GEMIN5: variants seen among roughly 807,000 people sequenced by gnomAD.
The protein encoded by GEMIN5 is gem nuclear organelle associated protein 5.
A neutral mutation model predicts 176.9 loss-of-function variants in GEMIN5; 124 were observed. That is an observed-to-expected ratio of 0.70 (90% CI 0.61 to 0.81). The LOEUF (loss-of-function observed/expected upper bound fraction) is 0.81. Among genes scored for constraint, GEMIN5 ranks in the 40% least tolerant of loss-of-function variants. The probability of loss-of-function intolerance (pLI) is 0.00; values close to 1 mark genes in which losing one functional copy is unlikely to be tolerated. For synonymous variants in GEMIN5, 673 were observed against 665.2 expected (o/e 1.01, Z -0.18); for missense variants, 1,843 against 1,814.6 (o/e 1.02, Z -0.28).
chr5:154,926,267 A>G (rs1261887449), intron 7 of GEMIN5, among the ~76,000 whole-genome samples, 193 bp from the exon 8 acceptor site: 1 of 152,206 alleles, frequency 6.6e-6, no homozygotes, highest in East Asian at 1.9e-4. Flanking sequence ...ATCTTAAAAT[A>G]TATTTATTCC....
In GEMIN5 at chr5:154,904,092, A is replaced by T. The variant is rs138773390; in HGVS notation, c.2632+415T>A. Among the ~76,000 whole-genome samples the T allele has an allele frequency of 6.9e-3, 1,042 of 151,988 alleles. 15 individuals are homozygous for T. The highest frequency in any genetic ancestry group is 0.024 in the African/African-American group (987 of 41,490). Reference sequence around the variant, plus strand: ...CTTACAAAGCAAAAGCTTCCATCAAATTTTTTTCTAAAAAAATGCCATATT... The same window carrying T: ...CTTACAAAGCAAAAGCTTCCATCAATTTTTTTTCTAAAAAAATGCCATATT... On this transcript the variant is annotated intron_variant, in intron 18 of 27. Coordinates refer to ENST00000285873, the MANE Select transcript of GEMIN5 (RefSeq NM_015465.5).
In GEMIN5 at chr5:154,905,399, T is replaced by G. The variant is rs763684598; in HGVS notation, c.2473A>C (p.Ile825Leu). 1.2e-6 allele frequency: 2 copies of G among 1,607,264 alleles called. No homozygotes were observed. Among genetic ancestry groups the G allele is most frequent in the Non-Finnish European group, 1.7e-6 (2 of 1,175,628 alleles). Residue 825 changes from isoleucine (I) to leucine (L), a missense_variant, in exon 17 of 28, where the codon ATT (isoleucine) becomes CTT (leucine). Ile to Leu is a conservative substitution (Grantham distance 5). Transcript: ENST00000285873. Reference sequence around the variant, plus strand: ...TTTGGTGGCTCCTTTTTCAGTAAAATGACTTTGTTATTAATGGTGACTTTT... The same window carrying G: ...TTTGGTGGCTCCTTTTTCAGTAAAAGGACTTTGTTATTAATGGTGACTTTT... ...KSKVTINNKVILLKKEPPKEK... is the reference protein window; with the variant it reads ...KSKVTINNKVLLLKKEPPKEK...
At chr5:154,907,523 A>G in intron 16 of GEMIN5, 68 bp downstream of exon 16, 1 of 1,102,742 alleles carries the variant, frequency 9.1e-7, no homozygotes, top group Non-Finnish European at 1.4e-6. Flanking sequence ...CAAACTGAGT[A>G]AGGACCTAGC....
intron 22 of GEMIN5, 103 bp downstream of exon 22, chr5:154,899,088 C>A: frequency 8.9e-7 from 1 of 1,121,954 alleles, no homozygotes; most frequent in Non-Finnish European, 1.3e-6. Flanking sequence ...TAATTCCTTG[C>A]TGCTTTACCT....
At chr5:154,925,249 A>G (rs1764005747) in intron 8 of GEMIN5, among the ~76,000 whole-genome samples, 1 of 152,256 alleles carries the variant, frequency 6.6e-6, no homozygotes, top group African/African-American at 2.4e-5. Context: ...ATTTGAAAAG[A>G]TAGATCATAA....
chr5:154,895,809 A>C (rs1489155386), intron 24 of GEMIN5, among the ~76,000 whole-genome samples: 2 of 152,178 alleles, frequency 1.3e-5, no homozygotes, highest in Non-Finnish European at 2.9e-5. Flanking sequence ...AATCACTTGA[A>C]TCTGGGAGGT....
chr5:154,932,059 G>A (rs762025723), intron 4 of GEMIN5, 40 bp downstream of exon 4: 2 of 1,442,380 alleles, frequency 1.4e-6, no homozygotes, highest in East Asian at 4.6e-5. Context: ...CTGTTCTTCA[G>A]GTCTCAAGTG....
At position 154,898,660 on chromosome 5, in the gene GEMIN5, G is replaced by C; in HGVS notation, c.3135-10C>G. The C allele has an allele frequency of 6.3e-7, 1 of 1,583,592 alleles. No individual in the cohort carries two copies. The highest frequency in any genetic ancestry group is 8.7e-7 in the Non-Finnish European group (1 of 1,152,534). On this transcript the variant is annotated splice_polypyrimidine_tract_variant and intron_variant, in intron 22 of 27. Transcript: ENST00000285873. ...AGTGGCCCCTAAATAGCTATAATAT[G>C]AATAAAAATGTGAAGAAAATGTCAC...
rs201137545 is a variant in GEMIN5 at position 154,917,895 on chromosome 5, T to A, written c.1673+36A>T. 3 of 1,349,840 alleles carry A rather than the reference T, an allele frequency of 2.2e-6. No individual in the cohort carries two copies. In the East Asian group the frequency reaches 6.9e-5, roughly 31 times the overall value. 83.6% of individuals were successfully genotyped at this position (1,349,840 alleles called of 1,614,324 possible). ...AGCTTGTGATCAAATATATGTGCGA[T>A]TGCAAATTTTTTATCTTAAAGAAGC... On this transcript the variant is annotated intron_variant, in intron 12 of 27. Coordinates refer to ENST00000285873, the MANE Select transcript of GEMIN5 (RefSeq NM_015465.5).
In GEMIN5 at chr5:154,891,771, C is replaced by A. The variant is rs535534777; in HGVS notation, c.3761-29G>T. ...GGAAAAGAGGAAAAAGATACTGGGT[C>A]ATGCATTTCTCTAGTTGCCAGAAAT... On this transcript the variant is annotated intron_variant, in intron 25 of 27. Transcript: ENST00000285873. 2.6e-6 allele frequency: 4 copies of A among 1,541,514 alleles called. No homozygotes were observed. The South Asian group carries it at 5.2e-5, about 20-fold the overall frequency.
intron 5 of GEMIN5, among the ~76,000 whole-genome samples, chr5:154,930,454 G>A (rs145227343): frequency 1.3e-5 from 2 of 152,290 alleles, no homozygotes; most frequent in African/African-American, 4.8e-5. Context: ...TATAACAAGT[G>A]GATGAGTGGG....
intron 23 of GEMIN5, among the ~76,000 whole-genome samples, chr5:154,897,556 T>C (rs973805430): frequency 6.6e-6 from 1 of 152,230 alleles, no homozygotes; most frequent in Non-Finnish European, 1.5e-5. Context: ...GACACAATCT[T>C]GGTTCATTGC....
At chr5:154,898,196 C>T (rs911191140) in intron 23 of GEMIN5, among the ~76,000 whole-genome samples, 2 of 152,134 alleles carry the variant, frequency 1.3e-5, no homozygotes, top group African/African-American at 2.4e-5. Context: ...CCACTGTGCC[C>T]GGCTCACAGG....
At position 154,891,758 on chromosome 5, in the gene GEMIN5, A is replaced by G. The variant is rs748363419; in HGVS notation, c.3761-16T>C. On this transcript the variant is annotated splice_polypyrimidine_tract_variant and intron_variant, in intron 25 of 27. Coordinates refer to ENST00000285873, the MANE Select transcript of GEMIN5 (RefSeq NM_015465.5). Reference sequence around the variant, plus strand: ...TGGTCACAGCCTAGGAAAAGAGGAAAAAGATACTGGGTCATGCATTTCTCT... The same window carrying G: ...TGGTCACAGCCTAGGAAAAGAGGAAGAAGATACTGGGTCATGCATTTCTCT... 8 of 1,561,058 alleles carry G rather than the reference A, an allele frequency of 5.1e-6. No individual in the cohort carries two copies. The South Asian group carries it at 7.4e-5, about 14-fold the overall frequency.
At chr5:154,934,009 A>T (rs1359643223) in intron 3 of GEMIN5, among the ~76,000 whole-genome samples, 1 of 151,846 alleles carries the variant, frequency 6.6e-6, no homozygotes, top group Non-Finnish European at 1.5e-5. Context: ...TTCATGATCC[A>T]TCACTATCAT....
chr5:154,935,710 G>C, intron 3 of GEMIN5, 131 bp downstream of exon 3: 1 of 633,048 alleles, frequency 1.6e-6, no homozygotes, highest in South Asian at 2.0e-5. Context: ...ATGATGCCAG[G>C]GGCTCAGGGG....
Position 154,903,194 on chromosome 5 carries a change from A to G in GEMIN5, c.2633-19T>C. On this transcript the variant is annotated intron_variant, in intron 18 of 27. Coordinates refer to ENST00000285873, the MANE Select transcript of GEMIN5 (RefSeq NM_015465.5). ...TTCAGCTCTGTTAATTTAAAAAGGC[A>G]AAAAAATCAGATGAAGTCATTACAT... 3.3e-6 allele frequency: 5 copies of G among 1,503,362 alleles called. No homozygotes were observed. Among genetic ancestry groups the G allele is most frequent in the Non-Finnish European group, 4.6e-6 (5 of 1,081,876 alleles). 93.1% of individuals were successfully genotyped at this position (1,503,362 alleles called of 1,614,324 possible).
rs754372505 is a variant in GEMIN5 at position 154,927,500 on chromosome 5, G to T, written c.965C>A (p.Thr322Asn). 6.2e-7 allele frequency: 1 copy of T among 1,610,354 alleles called. No homozygotes were observed. Among genetic ancestry groups the T allele is most frequent in the South Asian group, 1.1e-5 (1 of 90,972 alleles). Residue 322 changes from threonine to asparagine, a missense_variant, in exon 7 of 28, where the codon ACC becomes AAC. Transcript: ENST00000285873. ...DLTQSWRRKY[T>N]LFSASSEGQN... Reference sequence around the variant, plus strand: ...CCCTTCTGATGAGGCACTGAAGAGGGTGTATTTCCGTCTCCAAGATTGAGT... The same window carrying T: ...CCCTTCTGATGAGGCACTGAAGAGGTTGTATTTCCGTCTCCAAGATTGAGT...
At position 154,898,636 on chromosome 5, in the gene GEMIN5, G is replaced by T. The variant is rs889475433; in HGVS notation, c.3149C>A (p.Thr1050Asn). 1.2e-6 allele frequency: 2 copies of T among 1,612,238 alleles called. No individual in the cohort carries two copies. Among genetic ancestry groups the T allele is most frequent in the African/African-American group, 2.7e-5 (2 of 74,874 alleles). Residue 1050 changes from threonine to asparagine, a missense_variant, in exon 23 of 28, where the codon ACT (threonine) becomes AAT (asparagine). Thr to Asn is a moderately conservative substitution (Grantham distance 65). Transcript: ENST00000285873. ...AACTTTGGCTGCATCATAAGCACAA[G>T]TGGCCCCTAAATAGCTATAATATGA... The part of the protein sequence containing the change: ...AVAAKCYLGA[T>N]CAYDAAKVLA...
Sources: allele counts gnomAD v4.1 joint callset (sites outside exome capture counted in the v4.1 genomes callset), GRCh38; gene constraint gnomAD v4.1.1; transcripts MANE v1.5; gene names NCBI Gene and HGNC (gene_info 2026-07-23, HGNC 2026-07-21).